PARD3: variants seen among roughly 807,000 people sequenced by gnomAD.
The protein encoded by PARD3 is partitioning defective 3 homolog.
In PARD3, 75 loss-of-function variants were observed where a neutral mutation model predicts 155.4. That is an observed-to-expected ratio of 0.48 (90% CI 0.40 to 0.58). The LOEUF (loss-of-function observed/expected upper bound fraction) is 0.58. Ranked by LOEUF, PARD3 falls within the 20% of genes least tolerant of loss-of-function variation. The probability of loss-of-function intolerance (pLI) is 0.00; values close to 1 mark genes in which losing one functional copy is unlikely to be tolerated. For missense variants in PARD3, 1,642 were observed against 1,721.7 expected (o/e 0.95, Z 0.82); for synonymous variants, 576 against 610.5 (o/e 0.94, Z 0.83).
intron 18 of PARD3, 25 bp from the exon 19 acceptor site, chr10:34,331,369 T>A: frequency 1.3e-6 from 2 of 1,511,934 alleles, no homozygotes; most frequent in Non-Finnish European, 1.8e-6. Context: ...AGAAAAAAAA[T>A]GTTAGTGTGA....
intron 2 of PARD3, among the ~76,000 whole-genome samples, chr10:34,639,888 G>A (rs373443271): frequency 9.5e-4 from 145 of 151,978 alleles, no homozygotes; most frequent in African/African-American, 3.3e-3. Flanking sequence ...CACACACACA[G>A]TAAAAGAGCA....
chr10:34,432,540 C>T (rs1347831622), intron 5 of PARD3, among the ~76,000 whole-genome samples: 1 of 152,014 alleles, frequency 6.6e-6, no homozygotes, highest in Non-Finnish European at 1.5e-5. Flanking sequence ...GTAGGAAACA[C>T]CAGAAATTAA....
intron 20 of PARD3, among the ~76,000 whole-genome samples, chr10:34,299,463 T>C (rs1320549177): frequency 1.3e-5 from 2 of 152,222 alleles, no homozygotes; most frequent in Non-Finnish European, 2.9e-5. Flanking sequence ...CAGCTGTATG[T>C]ATAGACAACG....
intron 22 of PARD3, among the ~76,000 whole-genome samples, chr10:34,217,028 G>A (rs1952034050): frequency 6.6e-6 from 1 of 152,196 alleles, no homozygotes; most frequent in Non-Finnish European, 1.5e-5. Flanking sequence ...CTGTGGTTAT[G>A]AAACCTCAAA....
chr10:34,345,232 T>C (rs1253510937), intron 15 of PARD3: 3 of 984,426 alleles, frequency 3.0e-6, no homozygotes, highest in African/African-American at 3.5e-5. Flanking sequence ...TGATGACATC[T>C]GACATCCTTT....
intron 21 of PARD3, among the ~76,000 whole-genome samples, chr10:34,280,479 A>G (rs1159865015): frequency 6.6e-6 from 1 of 152,208 alleles, no homozygotes; most frequent in Non-Finnish European, 1.5e-5. Context: ...ACTAGAGCTT[A>G]AAAAGGTACA....
intron 1 of PARD3, among the ~76,000 whole-genome samples, chr10:34,767,600 C>CTA (rs1348968508): frequency 6.6e-6 from 1 of 151,218 alleles, no homozygotes; most frequent in Non-Finnish European, 1.5e-5. Context: ...GTTTCTTTGT[C>CTA]TGTTTGTTTG....
At chr10:34,708,153 G>A (rs1211404894) in intron 1 of PARD3, among the ~76,000 whole-genome samples, 1 of 151,974 alleles carries the variant, frequency 6.6e-6, no homozygotes, top group African/African-American at 2.4e-5. Context: ...AAATACAGGG[G>A]ATAGAGAACC....
intron 5 of PARD3, among the ~76,000 whole-genome samples, chr10:34,448,117 A>G (rs1394595952): frequency 2.7e-5 from 4 of 149,412 alleles, no homozygotes; most frequent in African/African-American, 7.5e-5. Flanking sequence ...TGGATAAAGA[A>G]AATGTGATAT....
intron 1 of PARD3, among the ~76,000 whole-genome samples, chr10:34,697,638 C>A (rs1261898829): frequency 6.6e-6 from 1 of 152,116 alleles, no homozygotes; most frequent in African/African-American, 2.4e-5. Context: ...GACCTTAATC[C>A]TCAAAGTTAT....
Position 34,681,696 on chromosome 10 carries a change from TTTA to T in PARD3, c.222+14619_222+14621del, listed in dbSNP as rs1200516296. 2.9e-5 allele frequency among the ~76,000 whole-genome samples: 4 copies of T among 139,442 alleles called. No individual in the cohort carries two copies. The Admixed American group carries it at 3.0e-4, about 10-fold the overall frequency. The allele number at this position is 139,442 out of a possible 152,430, so 91.5% of individuals were successfully genotyped here. ...TAATATACATGTATATAATTAGATT[TTTA>T]TATTTTATATATGTATTTTACGTAT... is the stretch of plus-strand genomic sequence containing the variant. On this transcript the variant is annotated intron_variant, in intron 2 of 24. Transcript: ENST00000374788.
intron 20 of PARD3, among the ~76,000 whole-genome samples, chr10:34,292,880 C>G (rs1264449419): frequency 6.6e-6 from 1 of 152,058 alleles, no homozygotes; most frequent in Non-Finnish European, 1.5e-5. Context: ...GTTAGCTAAT[C>G]AAGGATGCAC....
At chr10:34,643,494 G>A (rs1456189277) in intron 2 of PARD3, among the ~76,000 whole-genome samples, 3 of 152,208 alleles carry the variant, frequency 2.0e-5, no homozygotes, top group Non-Finnish European at 2.9e-5. Flanking sequence ...AACATAAAAC[G>A]AATAATAGAA....
At chr10:34,504,222 T>C (rs2080898008) in intron 3 of PARD3, among the ~76,000 whole-genome samples, 1 of 151,948 alleles carries the variant, frequency 6.6e-6, no homozygotes, top group South Asian at 2.1e-4. Context: ...CCGAACTCCT[T>C]GGTTCAAACG....
At chr10:34,722,028 T>TA (rs1215311271) in intron 1 of PARD3, among the ~76,000 whole-genome samples, 2 of 151,772 alleles carry the variant, frequency 1.3e-5, no homozygotes, top group Non-Finnish European at 2.9e-5. Flanking sequence ...AATATAATAA[T>TA]AAAAAACACA....
chr10:34,639,080 G>A lies in PARD3; in HGVS notation c.222+57238C>T, dbSNP rs190799323. 3.9e-3 allele frequency among the ~76,000 whole-genome samples: 601 copies of A among 152,246 alleles called. 3 individuals are homozygous for A. Among genetic ancestry groups the A allele is most frequent in the African/African-American group, 0.013 (557 of 41,536 alleles). On this transcript the variant is annotated intron_variant, in intron 2 of 24. Coordinates refer to ENST00000374788, the MANE Select transcript of PARD3 (RefSeq NM_001184785.2). ...TAATCTATGAAAGAAGATATGAGTA[G>A]GCATGAAGATGTATAAAGATGATAC...
In PARD3 at chr10:34,207,184, C is replaced by T. The variant is rs138528492; in HGVS notation, c.3419+62473G>A. Among the ~76,000 whole-genome samples, 523 of 152,308 alleles carry T rather than the reference C, an allele frequency of 3.4e-3. 4 individuals are homozygous for T. Among genetic ancestry groups the T allele is most frequent in the African/African-American group, 0.012 (490 of 41,558 alleles). On this transcript the variant is annotated intron_variant, in intron 22 of 24. Transcript: ENST00000374788. ...GCAATTCACGCCTCAAATACTTCCTCCTTTATCTCACACAGGGGCTCATGA... is the reference window on the plus strand; with the variant it reads ...GCAATTCACGCCTCAAATACTTCCTTCTTTATCTCACACAGGGGCTCATGA...
intron 20 of PARD3, among the ~76,000 whole-genome samples, chr10:34,293,151 C>G (rs372041379): frequency 6.6e-6 from 1 of 152,058 alleles, no homozygotes; most frequent in African/African-American, 2.4e-5. Flanking sequence ...GATAAATACA[C>G]AAATCACTGA....
At chr10:34,390,020 T>C (rs1205276514) in intron 7 of PARD3, among the ~76,000 whole-genome samples, 1 of 152,222 alleles carries the variant, frequency 6.6e-6, no homozygotes, top group African/African-American at 2.4e-5. Flanking sequence ...AGTTCTTTAT[T>C]ATAACAAATG....
Sources: gnomAD v4.1 joint callset for allele counts (sites outside exome capture counted in the v4.1 genomes callset) on GRCh38, gnomAD v4.1.1 for gene constraint, MANE v1.5 for transcripts, NCBI Gene and HGNC (gene_info 2026-07-23, HGNC 2026-07-21) for gene names.